ATP11A: variants seen among roughly 807,000 people sequenced by gnomAD.
The protein encoded by ATP11A is ATPase phospholipid transporting 11A.
In ATP11A, 81 loss-of-function variants were observed where a neutral mutation model predicts 154.4. That is an observed-to-expected ratio of 0.52 (90% confidence interval 0.44 to 0.63). The LOEUF is 0.63. ATP11A is among the 30% of genes least tolerant of loss of function. The pLI, the probability that ATP11A is intolerant of heterozygous loss-of-function variation, is 0.00. For missense variants in ATP11A, 1,316 were observed against 1,474.3 expected, an observed-to-expected ratio of 0.89 and a Z score of 1.76; for synonymous variants, 623 against 585.9, an observed-to-expected ratio of 1.06 and a Z score of -0.91.
chr13:112,814,798 CT>C (rs1401756102), intron 5 of ATP11A, among the ~76,000 whole-genome samples: 4 of 152,338 alleles, frequency 2.6e-5, no homozygotes, highest in African/African-American at 9.6e-5. Flanking sequence ...TTCCTTCCCC[CT>C]CAATCTTCTT....
At chr13:112,759,981 T>C (rs1299293052) in intron 1 of ATP11A, among the ~76,000 whole-genome samples, 1 of 152,192 alleles carries the variant, frequency 6.6e-6, no homozygotes, top group Non-Finnish European at 1.5e-5. Flanking sequence ...CCTGTCATCA[T>C]TAACTGGACA....
chr13:112,870,150 AG>A, intron 25 of ATP11A, among the ~76,000 whole-genome samples: 1 of 152,166 alleles, frequency 6.6e-6, no homozygotes, highest in Non-Finnish European at 1.5e-5. Context: ...GATCACAATG[AG>A]GAAGTGAGGG....
At chr13:112,761,741 G>GT (rs2076969259) in intron 1 of ATP11A, among the ~76,000 whole-genome samples, 1 of 152,158 alleles carries the variant, frequency 6.6e-6, no homozygotes, top group Non-Finnish European at 1.5e-5. Flanking sequence ...GTGCCCCTGA[G>GT]GATAAGGGGG....
rs111589586 is a variant in ATP11A at position 112,764,213 on chromosome 13, C to G, written c.40-20922C>G. On this transcript the variant is annotated intron_variant, in intron 1 of 29. Coordinates refer to ENST00000375645, the MANE Select transcript of ATP11A (RefSeq NM_015205.3). The stretch of plus-strand genomic sequence containing the variant: ...TAGGCGTCCTGGCACGGTGGTGCCT[C>G]TGCATTCACGGTGACATCGCTCCTG... 4.5e-4 allele frequency among the ~76,000 whole-genome samples: 68 copies of G among 152,286 alleles called. 2 individuals carry two copies. The highest frequency in any genetic ancestry group is 1.4e-3 in the African/African-American group (57 of 41,572).
At chr13:112,718,007 C>A (rs963842369) in intron 1 of ATP11A, among the ~76,000 whole-genome samples, 1 of 152,208 alleles carries the variant, frequency 6.6e-6, no homozygotes, top group African/African-American at 2.4e-5. Flanking sequence ...ACCCAGGAGG[C>A]AGAGGTTGCA....
In ATP11A at chr13:112,806,199, C is replaced by A; in HGVS notation, c.253-14C>A. 1.2e-6 allele frequency: 2 copies of A among 1,602,956 alleles called. No homozygotes were observed. The highest frequency in any genetic ancestry group is 1.7e-6 in the Non-Finnish European group (2 of 1,172,098). On this transcript the variant is annotated splice_polypyrimidine_tract_variant and intron_variant, in intron 3 of 29. Transcript: ENST00000375645. ...TGTTTTTGAAGATGATTTTACAATT[C>A]TCTCTTTCTGCAGTTGATTATTGAT...
In ATP11A at chr13:112,865,096, G is replaced by C. The variant is rs1404460974; in HGVS notation, c.2991+2521G>C. 3.5e-5 allele frequency among the ~76,000 whole-genome samples: 4 copies of C among 115,394 alleles called. No homozygotes were observed. The East Asian group carries it at 1.1e-3, about 32-fold the overall frequency. The allele number at this position is 115,394 out of a possible 152,430, so 75.7% of individuals were successfully genotyped here. On this transcript the variant is annotated intron_variant, in intron 25 of 29. Coordinates refer to ENST00000375645, the MANE Select transcript of ATP11A (RefSeq NM_015205.3). ...CCATCACCACATGGGCAGTAATTCA[G>C]TGCAGCCCATGCAGCTTCCCAGCGG...
At position 112,875,747 on chromosome 13, in the gene ATP11A, A is replaced by G; in HGVS notation, c.3162-29A>G. 1 of 1,607,232 alleles carries G rather than the reference A, an allele frequency of 6.2e-7. No individual in the cohort carries two copies. Among genetic ancestry groups the G allele is most frequent in the Non-Finnish European group, 8.5e-7 (1 of 1,175,382 alleles). On this transcript the variant is annotated intron_variant, in intron 27 of 29. Transcript: ENST00000375645. This position sits in a 1 kb window ranked among gnomAD's most constrained non-coding sequence, Gnocchi z 4.1. Reference sequence around the variant, plus strand: ...GCCAGCCCCAGGGAGTACATGCCTCACCAGCGGCTTCTCTTCCCTGCCCCT... The same window carrying G: ...GCCAGCCCCAGGGAGTACATGCCTCGCCAGCGGCTTCTCTTCCCTGCCCCT...
chr13:112,762,867 G>C (rs1037847531), intron 1 of ATP11A, among the ~76,000 whole-genome samples: 5 of 152,264 alleles, frequency 3.3e-5, no homozygotes, highest in Admixed American at 6.5e-5. Flanking sequence ...TGTGCCGGGA[G>C]CACAGGCCTT....
rs1256371991 is a variant in ATP11A, at chr13:112,826,727, A to G, written c.1057A>G (p.Met353Val). The change falls in exon 12 of 30, where the codon ATG becomes GTG. Residue 353 changes from methionine (M) to valine (V), a missense_variant. Physicochemically the swap from Met to Val is conservative, Grantham distance 21. Coordinates refer to ENST00000375645, the MANE Select transcript of ATP11A (RefSeq NM_015205.3). ...LKAFTDFLAF[M>V]VLFNYIIPVS... ...GGCATTCACGGACTTCCTGGCCTTC[A>G]TGGTCCTCTTTAACTACATCATCCC... is the stretch of plus-strand genomic sequence containing the variant. 2 of 1,614,184 alleles carry G rather than the reference A, an allele frequency of 1.2e-6. No individual in the cohort carries two copies. Among genetic ancestry groups the G allele is most frequent in the Non-Finnish European group, 1.7e-6 (2 of 1,180,036 alleles).
At chr13:112,777,778 A>G (rs934686794) in intron 1 of ATP11A, among the ~76,000 whole-genome samples, 3 of 152,232 alleles carry the variant, frequency 2.0e-5, no homozygotes, top group Non-Finnish European at 4.4e-5. Context: ...TCCTGAGCAC[A>G]CATATCAGGA....
At chr13:112,736,895 C>G (rs1195912841) in intron 1 of ATP11A, among the ~76,000 whole-genome samples, 1 of 152,112 alleles carries the variant, frequency 6.6e-6, no homozygotes, top group Non-Finnish European at 1.5e-5. Context: ...CAGGTCTGGT[C>G]AGGGATTTGT....
intron 1 of ATP11A, among the ~76,000 whole-genome samples, chr13:112,733,283 G>T (rs1594464439): frequency 6.6e-6 from 1 of 152,214 alleles, no homozygotes; most frequent in East Asian, 1.9e-4. Flanking sequence ...TGAGCAGTGG[G>T]TGGAGGATTC....
In ATP11A at chr13:112,708,814, C is replaced by T. The variant is rs980587483; in HGVS notation, c.39+18359C>T. On this transcript the variant is annotated intron_variant, in intron 1 of 29. Transcript: ENST00000375645. ...GTCGTCTTCCAACGAGTGGCTCTCC[C>T]GCCTGTGTTTTGAACTCATGGAGGG... is the stretch of plus-strand genomic sequence containing the variant. Among the ~76,000 whole-genome samples, 8 of 152,342 alleles carry T rather than the reference C, an allele frequency of 5.3e-5. No homozygotes were observed. In the East Asian group the frequency reaches 1.5e-3, roughly 29 times the overall value.
Position 112,732,660 on chromosome 13 carries a change from G to A in ATP11A, c.39+42205G>A, listed in dbSNP as rs533600482. Among the ~76,000 whole-genome samples the A allele has an allele frequency of 1.9e-4, 29 of 152,314 alleles. No individual in the cohort carries two copies. The East Asian group carries it at 2.5e-3, about 13-fold the overall frequency. On this transcript the variant is annotated intron_variant, in intron 1 of 29. Transcript: ENST00000375645. ...AGAGTCTCGCTTTGTTGCCCAGGCC[G>A]GAGTGGAGTGGTGCGATCTCGGCTC...
chr13:112,706,745 A>ATT (rs1887183268), intron 1 of ATP11A, among the ~76,000 whole-genome samples: 1 of 152,186 alleles, frequency 6.6e-6, no homozygotes, highest in Non-Finnish European at 1.5e-5. Context: ...GATTTCCTAA[A>ATT]TTGCTGTGCT....
At chr13:112,802,638 A>G (rs1361223924) in intron 2 of ATP11A, among the ~76,000 whole-genome samples, 1 of 151,994 alleles carries the variant, frequency 6.6e-6, no homozygotes, top group African/African-American at 2.4e-5. Flanking sequence ...AAAGTGAGTC[A>G]TAGACCTAAA....
At chr13:112,723,451 T>A (rs1226673203) in intron 1 of ATP11A, among the ~76,000 whole-genome samples, 1 of 148,832 alleles carries the variant, frequency 6.7e-6, no homozygotes, top group Non-Finnish European at 1.5e-5. Flanking sequence ...TTTGTACTTT[T>A]AGTAGAGACG....
intron 13 of ATP11A, 24 bp downstream of exon 13, chr13:112,831,572 C>G (rs2079086808): frequency 3.7e-6 from 6 of 1,608,522 alleles, no homozygotes; most frequent in Non-Finnish European, 5.1e-6. Flanking sequence ...CCCACGCCGT[C>G]CAAGTGTGTG....
Sources: allele counts gnomAD v4.1 joint callset (sites outside exome capture counted in the v4.1 genomes callset), GRCh38; gene constraint gnomAD v4.1.1; non-coding constraint Gnocchi (gnomAD v3.1); transcripts MANE v1.5; gene names NCBI Gene and HGNC (gene_info 2026-07-23, HGNC 2026-07-21).